SHISA9: variants seen among roughly 807,000 people sequenced by gnomAD.
SHISA9 encodes the protein shisa family member 9.
SHISA9 carries 13 observed loss-of-function variants against 38.0 expected under a neutral mutation model. That is an observed-to-expected ratio of 0.34 (90% CI 0.22 to 0.54). The LOEUF (loss-of-function observed/expected upper bound fraction) is 0.54. Among genes scored for constraint, SHISA9 ranks in the 20% least tolerant of loss-of-function variants. The pLI, the probability that SHISA9 is intolerant of heterozygous loss-of-function variation, is 0.91. For missense variants in SHISA9, 538 were observed against 575.8 expected, an observed-to-expected ratio of 0.93 and a Z score of 0.67; for synonymous variants, 275 against 242.0, an observed-to-expected ratio of 1.14 and a Z score of -1.27.
chr16:13,377,964 C>T, the SHISA9 span, among the ~76,000 whole-genome samples: 6 of 152,104 alleles, frequency 3.9e-5, no homozygotes, highest in Non-Finnish European at 8.8e-5. Flanking sequence ...ACCTGGAAGG[C>T]GGAGGTGGCA....
chr16:12,973,551 C>G (rs2072113913), intron 2 of SHISA9, among the ~76,000 whole-genome samples: 2 of 152,296 alleles, frequency 1.3e-5, no homozygotes, highest in South Asian at 4.1e-4. Context: ...TTCATCCCAT[C>G]ACTCTCCTTC....
the SHISA9 span, among the ~76,000 whole-genome samples, chr16:13,395,922 A>G: frequency 8.5e-5 from 13 of 152,248 alleles, no homozygotes; most frequent in Non-Finnish European, 1.8e-4. Context: ...GTTCAGGGTC[A>G]CTTCAAAGGT....
At chr16:13,179,843 C>T (rs772166446) in intron 2 of SHISA9, among the ~76,000 whole-genome samples, 1 of 152,348 alleles carries the variant, frequency 6.6e-6, no homozygotes, top group East Asian at 1.9e-4. Flanking sequence ...TCTACTGCGT[C>T]TTCCTGGCAG....
chr16:13,351,034 C>T, the SHISA9 span, among the ~76,000 whole-genome samples: 5 of 152,178 alleles, frequency 3.3e-5, no homozygotes, highest in African/African-American at 1.2e-4. Flanking sequence ...GATGTGCAGG[C>T]ACTGGGCTAA....
intron 3 of SHISA9, among the ~76,000 whole-genome samples, chr16:13,206,241 C>T (rs78409240): frequency 0.014 from 2,198 of 152,216 alleles, 54 homozygotes; most frequent in African/African-American, 0.051. Flanking sequence ...TATCTATTCT[C>T]ACATAGTTTT....
At chr16:13,156,426 T>C (rs1313780311) in intron 2 of SHISA9, among the ~76,000 whole-genome samples, 2 of 152,184 alleles carry the variant, frequency 1.3e-5, no homozygotes, top group Non-Finnish European at 2.9e-5. Context: ...TAGGTGCAAT[T>C]GTATACACAT....
chr16:13,363,998 T>C, the SHISA9 span, among the ~76,000 whole-genome samples: 34 of 152,174 alleles, frequency 2.2e-4, no homozygotes, highest in African/African-American at 8.2e-4. Flanking sequence ...ACTTTCCACA[T>C]GATTCCAGAT....
the SHISA9 span, among the ~76,000 whole-genome samples, chr16:13,553,220 G>A: frequency 3.9e-5 from 6 of 152,144 alleles, no homozygotes; most frequent in African/African-American, 1.4e-4. Context: ...CCAGAAAGTA[G>A]GACTATTCAT....
At chr16:13,498,658 G>C in the SHISA9 span, among the ~76,000 whole-genome samples, 4 of 152,158 alleles carry the variant, frequency 2.6e-5, no homozygotes, top group African/African-American at 9.7e-5. Flanking sequence ...TTGGGAGGCT[G>C]AGGCAGTAGA....
intron 1 of SHISA9, among the ~76,000 whole-genome samples, chr16:12,903,574 G>A (rs1443359173): frequency 6.6e-6 from 1 of 152,134 alleles, no homozygotes; most frequent in Non-Finnish European, 1.5e-5. Flanking sequence ...CTTTGGAGGC[G>A]GAGGACGCAG....
intron 2 of SHISA9, among the ~76,000 whole-genome samples, chr16:12,993,171 C>G (rs1254408472): frequency 6.6e-6 from 1 of 152,124 alleles, no homozygotes; most frequent in Non-Finnish European, 1.5e-5. Context: ...CGTGAGGCTC[C>G]CAGGCACCTA....
chr16:13,242,431 C>T (rs967119997), downstream of SHISA9, among the ~76,000 whole-genome samples: 3 of 152,170 alleles, frequency 2.0e-5, no homozygotes, highest in Non-Finnish European at 2.9e-5. Context: ...TGCACAGTGC[C>T]ACATTACATC....
At chr16:13,262,306 C>A in the SHISA9 span, among the ~76,000 whole-genome samples, 1 of 152,204 alleles carries the variant, frequency 6.6e-6, no homozygotes, top group Non-Finnish European at 1.5e-5. Flanking sequence ...GCTAGGCTGT[C>A]TTAGCTTTCA....
At chr16:13,533,852 C>T in the SHISA9 span, among the ~76,000 whole-genome samples, 513 of 148,716 alleles carry the variant, frequency 3.4e-3, 1 homozygote, top group African/African-American at 0.012. Flanking sequence ...GGCGCGATCT[C>T]GGCTCACTGC....
At chr16:13,424,769 A>G in the SHISA9 span, among the ~76,000 whole-genome samples, 2 of 152,370 alleles carry the variant, frequency 1.3e-5, no homozygotes, top group African/African-American at 4.8e-5. Flanking sequence ...GTCTCGGTTA[A>G]AATTTATTTA....
At chr16:13,025,888 C>T (rs1343763395) in intron 2 of SHISA9, among the ~76,000 whole-genome samples, 2 of 152,136 alleles carry the variant, frequency 1.3e-5, no homozygotes, top group Non-Finnish European at 2.9e-5. Context: ...TCACTGCAAC[C>T]TCCACCTCCC....
chr16:13,107,338 G>C (rs950116362), intron 2 of SHISA9, among the ~76,000 whole-genome samples: 11 of 152,192 alleles, frequency 7.2e-5, no homozygotes, highest in African/African-American at 2.4e-4. Flanking sequence ...GGGAGGCTGA[G>C]GCAGGAGAAT....
intron 2 of SHISA9, among the ~76,000 whole-genome samples, chr16:12,942,557 C>T (rs561742662): frequency 6.6e-6 from 1 of 152,316 alleles, no homozygotes; most frequent in African/African-American, 2.4e-5. Context: ...CAGCATCCTC[C>T]ATATCTCCCA....
the SHISA9 span, among the ~76,000 whole-genome samples, chr16:13,476,061 C>T: frequency 6.6e-6 from 1 of 152,172 alleles, no homozygotes; most frequent in South Asian, 2.1e-4. Context: ...CCGTCTGCAG[C>T]CTGAGGGTTG....
Sources: gnomAD v4.1 joint callset for allele counts (sites outside exome capture counted in the v4.1 genomes callset) on GRCh38, gnomAD v4.1.1 for gene constraint, MANE v1.5 for transcripts, NCBI Gene and HGNC (gene_info 2026-07-23, HGNC 2026-07-21) for gene names.